The following AKAP13 variants were observed in gnomAD, a reference collection of about 807,000 sequenced individuals.
The protein encoded by AKAP13 is A-kinase anchor protein 13.
AKAP13 carries 80 observed loss-of-function variants against 264.5 expected under a neutral mutation model. That is an observed-to-expected ratio of 0.30 (90% CI 0.25 to 0.36). The LOEUF is 0.36. Ranked by LOEUF, AKAP13 falls within the 10% of genes least tolerant of loss-of-function variation. The pLI, the probability that AKAP13 is intolerant of heterozygous loss-of-function variation, is 1.00. For missense variants in AKAP13, 3,712 were observed against 3,435.2 expected (o/e 1.08, Z -2.01); for synonymous variants, 1,380 against 1,250.2 (o/e 1.10, Z -2.19).
At position 85,744,095 on chromosome 15, in the gene AKAP13, A is replaced by G. The variant is rs766503492; in HGVS notation, c.8392+270A>G. 122 of 449,696 alleles carry G rather than the reference A, an allele frequency of 2.7e-4. 1 individual carries two copies. Among genetic ancestry groups the G allele is most frequent in the Non-Finnish European group, 4.1e-4 (104 of 256,566 alleles). The allele number at this position is 449,696 out of a possible 1,614,324, so 27.9% of individuals were successfully genotyped here. A position where few individuals can be genotyped will look rare whatever the true frequency, so the allele number is the denominator to read the frequency against. On this transcript the variant is annotated intron_variant, in intron 36 of 36. Transcript: ENST00000394518. ...TCGAGGAACTGGAGCTCACCCCTCA[A>G]TGAAGTAATTCAAGTCCTCCTTGCC...
rs1437382902 is a variant in AKAP13, at chr15:85,461,713, T to C, written c.-11-23997T>C. Among the ~76,000 whole-genome samples, 3 of 152,136 alleles carry C rather than the reference T, an allele frequency of 2.0e-5. No individual in the cohort carries two copies. In the East Asian group the frequency reaches 5.8e-4, roughly 29 times the overall value. On this transcript the variant is annotated intron_variant, in intron 1 of 36. Coordinates refer to ENST00000394518, the MANE Select transcript of AKAP13 (RefSeq NM_007200.5). ...TTTTCTTTAGCCATGGTGGTTCTTT[T>C]CCTGTTGATAGTTTGTTGCTTCAAA...
chr15:85,562,574 A>T (rs1205643321), intron 5 of AKAP13, among the ~76,000 whole-genome samples: 10 of 77,686 alleles, frequency 1.3e-4, no homozygotes, highest in Non-Finnish European at 3.0e-4. Context: ...CAAAAAAAAA[A>T]ATATATATAT....
intron 5 of AKAP13, among the ~76,000 whole-genome samples, chr15:85,556,775 G>T (rs112385618): frequency 1.3e-5 from 2 of 152,200 alleles, no homozygotes; most frequent in Non-Finnish European, 2.9e-5. Flanking sequence ...CCCTAACTCT[G>T]CATGCTGGCT....
intron 16 of AKAP13, among the ~76,000 whole-genome samples, chr15:85,685,687 T>G (rs2151616366): frequency 6.6e-6 from 1 of 152,244 alleles, no homozygotes; most frequent in African/African-American, 2.4e-5. Context: ...AAAGATGAAG[T>G]CTTGCTGTTG....
In AKAP13 at chr15:85,727,503, G is replaced by T. The variant is rs1597192990; in HGVS notation, c.7087+40G>T. The T allele has an allele frequency of 6.2e-7, 1 of 1,606,152 alleles. No individual in the cohort carries two copies. Among genetic ancestry groups the T allele is most frequent in the Non-Finnish European group, 8.5e-7 (1 of 1,173,726 alleles). On this transcript the variant is annotated intron_variant, in intron 29 of 36. Transcript: ENST00000394518. This position sits in a 1 kb window ranked among gnomAD's most constrained non-coding sequence, Gnocchi z 5.3. Reference sequence around the variant, plus strand: ...GTGGTCTGAGCCCCTTGTCTGGAATGTCTGCAGTTGCAGAAGACTGCTGGT... The same window carrying T: ...GTGGTCTGAGCCCCTTGTCTGGAATTTCTGCAGTTGCAGAAGACTGCTGGT...
chr15:85,671,317 G>T (rs549220000), intron 14 of AKAP13, among the ~76,000 whole-genome samples: 1 of 151,594 alleles, frequency 6.6e-6, no homozygotes, highest in East Asian at 1.9e-4. Context: ...CATGCCTGTA[G>T]TCCAGCTGCT....
chr15:85,565,242 TA>T (rs71468117), intron 5 of AKAP13, among the ~76,000 whole-genome samples: 257 of 149,178 alleles, frequency 1.7e-3, no homozygotes, highest in African/African-American at 5.9e-3. Context: ...TCATTGGAAT[TA>T]AAAAAAAAAA....
At position 85,500,051 on chromosome 15, in the gene AKAP13, T is replaced by G. The variant is rs2076001262; in HGVS notation, c.33+14298T>G. 2.0e-5 allele frequency among the ~76,000 whole-genome samples: 3 copies of G among 152,328 alleles called. No individual in the cohort carries two copies. The South Asian group carries it at 6.2e-4, about 32-fold the overall frequency. ...TACATGGATGATTATAAATGTCTGA[T>G]TTGCCAAAGATGAGAGTTTTCTTTT... On this transcript the variant is annotated intron_variant, in intron 2 of 36. Transcript: ENST00000394518.
At chr15:85,684,941 CA>C (rs1352457209) in intron 16 of AKAP13, 68 bp downstream of exon 16, 79 of 1,513,382 alleles carry the variant, frequency 5.2e-5, no homozygotes, top group Non-Finnish European at 6.7e-5. Context: ...GCATTCACAC[CA>C]AAACTGGTTA....
intron 33 of AKAP13, among the ~76,000 whole-genome samples, chr15:85,738,804 G>C (rs2088734948): frequency 7.3e-6 from 1 of 137,762 alleles, no homozygotes; most frequent in Non-Finnish European, 1.5e-5. Flanking sequence ...CGCCACTGCA[G>C]TCCGCAGTCC....
At chr15:85,609,405 A>G in intron 8 of AKAP13, among the ~76,000 whole-genome samples, 1 of 152,222 alleles carries the variant, frequency 6.6e-6, no homozygotes, top group Non-Finnish European at 1.5e-5. Context: ...CATTTAACGT[A>G]GTGTCCTCTA....
chr15:85,602,643 C>G (rs568457035), intron 8 of AKAP13, among the ~76,000 whole-genome samples: 2 of 152,104 alleles, frequency 1.3e-5, no homozygotes, highest in East Asian at 3.9e-4. Context: ...ATGTGCACCA[C>G]CACACCTGGA....
chr15:85,610,904 G>A (rs1476295961), intron 8 of AKAP13, among the ~76,000 whole-genome samples: 4 of 152,170 alleles, frequency 2.6e-5, no homozygotes, highest in Non-Finnish European at 5.9e-5. Flanking sequence ...ACTAGAACCC[G>A]GGAGGCAGAG....
At chr15:85,434,542 C>T (rs1283693304) in intron 1 of AKAP13, among the ~76,000 whole-genome samples, 1 of 152,056 alleles carries the variant, frequency 6.6e-6, no homozygotes, top group Non-Finnish European at 1.5e-5. Context: ...AAAAAGACAG[C>T]AGTAACCTCT....
In AKAP13 at chr15:85,398,389, A is replaced by T. The variant is rs141611745; in HGVS notation, c.-12+17591A>T. Reference sequence around the variant, plus strand: ...CACATAAATGACACTACCTAGAGAAAATTGTTGGGTATAATTTTTCTTTCC... The same window carrying T: ...CACATAAATGACACTACCTAGAGAATATTGTTGGGTATAATTTTTCTTTCC... On this transcript the variant is annotated intron_variant, in intron 1 of 36. Coordinates refer to ENST00000394518, the MANE Select transcript of AKAP13 (RefSeq NM_007200.5). 2.0e-5 allele frequency among the ~76,000 whole-genome samples: 3 copies of T among 152,284 alleles called. No individual in the cohort carries two copies. The East Asian group carries it at 5.8e-4, about 29-fold the overall frequency.
chr15:85,633,294 A>T (rs529052636), intron 8 of AKAP13, among the ~76,000 whole-genome samples: 1 of 150,716 alleles, frequency 6.6e-6, no homozygotes, highest in Admixed American at 6.7e-5. Context: ...GAATCATCTG[A>T]GCTCTTTTAT....
At chr15:85,393,956 G>C (rs1247834836) in intron 1 of AKAP13, among the ~76,000 whole-genome samples, 1 of 152,172 alleles carries the variant, frequency 6.6e-6, no homozygotes. Flanking sequence ...TTCCATGTTT[G>C]TGCCTTGAAA....
At chr15:85,585,680 T>C in intron 7 of AKAP13, 22 bp from the exon 8 acceptor site, 1 of 1,614,024 alleles carries the variant, frequency 6.2e-7, no homozygotes. Flanking sequence ...AAATGTACTC[T>C]GTAACCCCCC....
intron 16 of AKAP13, among the ~76,000 whole-genome samples, chr15:85,688,313 GT>G (rs1461792939): frequency 1.3e-5 from 2 of 152,074 alleles, no homozygotes; most frequent in Non-Finnish European, 2.9e-5. Context: ...TGATTTTTCT[GT>G]GAAAATGATA....
Sources: gnomAD v4.1 joint callset for allele counts (sites outside exome capture counted in the v4.1 genomes callset) on GRCh38, gnomAD v4.1.1 for gene constraint, Gnocchi (gnomAD v3.1) non-coding constraint, MANE v1.5 for transcripts, NCBI Gene and HGNC (gene_info 2026-07-23, HGNC 2026-07-21) for gene names.